The following IQGAP3 variants were observed in gnomAD, a reference collection of about 807,000 sequenced individuals.
The protein encoded by IQGAP3 is IQ motif containing GTPase activating protein 3, also known as ras GTPase-activating-like protein IQGAP3.
A neutral mutation model predicts 208.2 loss-of-function variants in IQGAP3; 165 were observed. That is an observed-to-expected ratio of 0.79 (90% CI 0.70 to 0.90). The LOEUF (loss-of-function observed/expected upper bound fraction) is 0.90. IQGAP3 is among the 40% of genes least tolerant of loss of function. The pLI is 0.00. For missense variants in IQGAP3, 1,811 were observed against 2,043.1 expected (o/e 0.89, Z 2.19); for synonymous variants, 703 against 803.6 (o/e 0.87, Z 2.12).
At chr1:156,534,289 C>T in intron 29 of IQGAP3, 148 bp from the exon 30 acceptor site, 1 of 1,283,866 alleles carries the variant, frequency 7.8e-7, no homozygotes. Context: ...CCTGCCCTAC[C>T]TCTGTCCCAG....
intron 11 of IQGAP3, 56 bp downstream of exon 11, chr1:156,560,878 T>C: frequency 3.3e-6 from 4 of 1,230,586 alleles, no homozygotes; most frequent in Non-Finnish European, 4.8e-6. Context: ...GGTGGGATAC[T>C]CTTCTAAGAG....
At chr1:156,545,206 A>G (rs1357380237) in intron 19 of IQGAP3, among the ~76,000 whole-genome samples, 2 of 152,146 alleles carry the variant, frequency 1.3e-5, no homozygotes, top group African/African-American at 4.8e-5. Context: ...TTTGGTCTCT[A>G]AAATCTCAAG....
At chr1:156,568,125 A>C (rs543037651) in intron 2 of IQGAP3, among the ~76,000 whole-genome samples, 1 of 152,232 alleles carries the variant, frequency 6.6e-6, no homozygotes, top group Non-Finnish European at 1.5e-5. Context: ...TTTTAGATAT[A>C]TGTATTGCAG....
rs903439090 is a variant in IQGAP3, at chr1:156,534,387, A to G, written c.3740+114T>C. The G allele has an allele frequency of 3.2e-6, 3 of 941,510 alleles. No individual in the cohort carries two copies. The Admixed American group carries it at 8.3e-5, about 26-fold the overall frequency. 58.3% of individuals were successfully genotyped at this position (941,510 alleles called of 1,614,324 possible). A position where few individuals can be genotyped will look rare whatever the true frequency, so the allele number is the denominator to read the frequency against. Reference sequence around the variant, plus strand: ...CAACCTATCCTCCACCCCGCTCATTATGCTCATCCCTTCTATTTATGCCTC... The same window carrying G: ...CAACCTATCCTCCACCCCGCTCATTGTGCTCATCCCTTCTATTTATGCCTC... On this transcript the variant is annotated intron_variant, in intron 29 of 37. Coordinates refer to ENST00000361170, the MANE Select transcript of IQGAP3 (RefSeq NM_178229.5).
At chr1:156,561,078 T>A in intron 10 of IQGAP3, 57 bp from the exon 11 acceptor site, 1 of 1,298,996 alleles carries the variant, frequency 7.7e-7, no homozygotes, top group Non-Finnish European at 1.1e-6. Context: ...TGACCATGCT[T>A]TACGAGTTGC....
chr1:156,530,384 TC>T, intron 33 of IQGAP3, 67 bp from the exon 34 acceptor site: 1 of 1,381,512 alleles, frequency 7.2e-7, no homozygotes, highest in South Asian at 1.2e-5. Context: ...CCAGTGAAGG[TC>T]CCATGGGCAC....
intron 25 of IQGAP3, 71 bp downstream of exon 25, chr1:156,539,303 C>T: frequency 6.9e-7 from 1 of 1,455,712 alleles, no homozygotes; most frequent in Non-Finnish European, 9.5e-7. Context: ...AAGTTGTCAC[C>T]TTGTGAAGGA....
chr1:156,532,559 C>T (rs1167987386), intron 32 of IQGAP3, among the ~76,000 whole-genome samples: 1 of 151,404 alleles, frequency 6.6e-6, no homozygotes, highest in African/African-American at 2.4e-5. Flanking sequence ...ATTAAAAAAG[C>T]ATTTGGGCCA....
intron 23 of IQGAP3, 141 bp from the exon 24 acceptor site, chr1:156,540,131 T>A: frequency 8.8e-6 from 8 of 910,028 alleles, no homozygotes; most frequent in Non-Finnish European, 1.3e-5. Flanking sequence ...CAGAAGCAGT[T>A]CTAGGGTGAG....
At chr1:156,548,051 T>A in intron 19 of IQGAP3, 22 bp downstream of exon 19, 1 of 1,606,590 alleles carries the variant, frequency 6.2e-7, no homozygotes, top group East Asian at 2.2e-5. Context: ...CCCTGAAGAC[T>A]GAGAAAGCCA....
At position 156,556,565 on chromosome 1, in the gene IQGAP3, G is replaced by A. The variant is rs751774829; in HGVS notation, c.1258C>T (p.Leu420=). Reference sequence around the variant, plus strand: ...TGCTGCTGGAGCACTGCCAGCTCCAGCTGGTACATAGACGATGCAACAGGG... The same window carrying A: ...TGCTGCTGGAGCACTGCCAGCTCCAACTGGTACATAGACGATGCAACAGGG... ...VYPVASSMYQ[L]ELAVLQQQQG... is the part of the protein sequence containing the mutation. Residue 420 remains leucine (L), a synonymous_variant, in exon 12 of 38, where the codon CTG becomes TTG. Transcript: ENST00000361170. 1.2e-6 allele frequency: 2 copies of A among 1,613,670 alleles called. No homozygotes were observed. Among genetic ancestry groups the A allele is most frequent in the South Asian group, 2.2e-5 (2 of 91,066 alleles).
Position 156,530,217 on chromosome 1 carries a change from A to T in IQGAP3, c.4292T>A (p.Leu1431Gln), listed in dbSNP as rs1463473199. Residue 1431 changes from leucine to glutamine, a missense_variant, in exon 34 of 38, where the codon CTG (leucine) becomes CAG (glutamine). Coordinates refer to ENST00000361170, the MANE Select transcript of IQGAP3 (RefSeq NM_178229.5). ...RHRSLTAHSL[L>Q]PLAEKQRRVL... ...GCGCCGCTGCTTCTCTGCCAGTGGC[A>T]GGAGGGAGTGAGCTGTCAGTGAGCG... 6.2e-7 allele frequency: 1 copy of T among 1,613,306 alleles called. No individual in the cohort carries two copies. The highest frequency in any genetic ancestry group is 8.5e-7 in the Non-Finnish European group (1 of 1,179,902).
rs375054120 is a variant in IQGAP3, at chr1:156,566,377, C to T, written c.282+13G>A. ...AGGGGACGAAGGTAGAAGGTGGGGT[C>T]CAATCCTCCCACCTGGTACCGCAGC... On this transcript the variant is annotated intron_variant, in intron 3 of 37. Transcript: ENST00000361170. 5.0e-6 allele frequency: 8 copies of T among 1,612,748 alleles called. No individual in the cohort carries two copies. The highest frequency in any genetic ancestry group is 1.7e-4 in the Middle Eastern group (1 of 6,042).
At chr1:156,534,432 A>C (rs1674583473) in intron 29 of IQGAP3, 69 bp downstream of exon 29, 1 of 1,190,768 alleles carries the variant, frequency 8.4e-7, no homozygotes, top group African/African-American at 1.5e-5. Context: ...TGGATTCTGG[A>C]GGGGACAAGT....
chr1:156,544,391 T>C lies in IQGAP3; in HGVS notation c.2386A>G (p.Lys796Glu). ...YFKANLDAII[K>E]IQAWARMWAA... ...CCTGCCAAAACCACCGTAGCTACCT[T>C]GATTATGGCATCCAGGTTTGCTTTA... The change falls in exon 20 of 38, where the codon AAG becomes GAG. Residue 796 changes from lysine (K) to glutamate (E), a missense_variant and splice_region_variant. Physicochemically the swap from Lys to Glu is moderately conservative, Grantham distance 56. Coordinates refer to ENST00000361170, the MANE Select transcript of IQGAP3 (RefSeq NM_178229.5). The C allele has an allele frequency of 6.2e-7, 1 of 1,611,984 alleles. No homozygotes were observed. Among genetic ancestry groups the C allele is most frequent in the South Asian group, 1.1e-5 (1 of 91,034 alleles).
intron 27 of IQGAP3, among the ~76,000 whole-genome samples, chr1:156,536,072 A>T (rs566367968): frequency 2.0e-5 from 3 of 152,342 alleles, no homozygotes; most frequent in Middle Eastern, 3.4e-3. Context: ...AGAAGTTTAC[A>T]GCTCATTGTG....
In IQGAP3 at chr1:156,539,282, T is replaced by C. The variant is rs1571323616; in HGVS notation, c.3056+92A>G. The C allele has an allele frequency of 5.7e-6, 7 of 1,227,034 alleles. No individual in the cohort carries two copies. The East Asian group carries it at 1.4e-4, about 25-fold the overall frequency. 76.0% of individuals were successfully genotyped at this position (1,227,034 alleles called of 1,614,324 possible). ...GGTCTTCTGATTCCATTTCTACCCTTAGGCCTCAACAAGTTGTCACCTTGT... is the reference window on the plus strand; with the variant it reads ...GGTCTTCTGATTCCATTTCTACCCTCAGGCCTCAACAAGTTGTCACCTTGT... On this transcript the variant is annotated intron_variant, in intron 25 of 37. Transcript: ENST00000361170.
chr1:156,555,004 A>G (rs1675759776), intron 12 of IQGAP3, among the ~76,000 whole-genome samples: 1 of 152,130 alleles, frequency 6.6e-6, no homozygotes, highest in Non-Finnish European at 1.5e-5. Flanking sequence ...CAATGAGCCG[A>G]GATCATGCCA....
chr1:156,571,499 G>C (rs1175498749), intron 1 of IQGAP3, among the ~76,000 whole-genome samples: 3 of 152,128 alleles, frequency 2.0e-5, no homozygotes, highest in Non-Finnish European at 4.4e-5. Context: ...ATACAGATTT[G>C]AAAACACTGG....
Sources: gnomAD v4.1 joint callset for allele counts (sites outside exome capture counted in the v4.1 genomes callset) on GRCh38, gnomAD v4.1.1 for gene constraint, MANE v1.5 for transcripts, NCBI Gene and HGNC (gene_info 2026-07-23, HGNC 2026-07-21) for gene names.